The following UBE2D3 variants were observed in gnomAD, a reference collection of about 807,000 sequenced individuals.
UBE2D3 encodes the protein ubiquitin-conjugating enzyme E2 D3.
UBE2D3 carries 2 observed loss-of-function variants against 22.8 expected under a neutral mutation model. That is an observed-to-expected ratio of 0.09 (90% CI 0.04 to 0.28). UBE2D3 has a LOEUF of 0.28. Ranked by LOEUF, UBE2D3 falls within the 10% of genes least tolerant of loss-of-function variation. The pLI is 1.00. For missense variants in UBE2D3, 27 were observed against 182.5 expected (o/e 0.15, Z 4.91); for synonymous variants, 56 against 60.4 (o/e 0.93, Z 0.34).
intron 1 of UBE2D3, among the ~76,000 whole-genome samples, chr4:102,852,585 G>A (rs1453952578): frequency 1.3e-5 from 2 of 152,114 alleles, no homozygotes; most frequent in Non-Finnish European, 2.9e-5. Context: ...CATACAACTT[G>A]AATTCATTCC....
At chr4:102,799,006 T>C (rs745318995) in intron 7 of UBE2D3, 86 of 1,590,138 alleles carry the variant, frequency 5.4e-5, no homozygotes, top group Non-Finnish European at 7.0e-5. Flanking sequence ...TTAGCATTAA[T>C]TATAACATAT....
intron 1 of UBE2D3, among the ~76,000 whole-genome samples, chr4:102,848,652 G>T (rs568676739): frequency 6.6e-6 from 1 of 151,642 alleles, no homozygotes; most frequent in East Asian, 1.9e-4. Flanking sequence ...TCTCATAAAT[G>T]AATAAAAAAT....
intron 1 of UBE2D3, among the ~76,000 whole-genome samples, chr4:102,853,135 A>ATG (rs386626793): frequency 2.3e-5 from 2 of 88,598 alleles, no homozygotes; most frequent in Non-Finnish European, 4.2e-5. Context: ...AAACACACAC[A>ATG]TTTTTTTTTT....
chr4:102,838,389 G>A (rs1050767514), intron 1 of UBE2D3, among the ~76,000 whole-genome samples: 15 of 152,150 alleles, frequency 9.9e-5, no homozygotes, highest in African/African-American at 3.6e-4. Flanking sequence ...GTACCACATA[G>A]GAGTACTTTC....
At chr4:102,868,397 A>C (rs1042486908) in intron 1 of UBE2D3, among the ~76,000 whole-genome samples, 4 of 152,088 alleles carry the variant, frequency 2.6e-5, no homozygotes, top group Non-Finnish European at 5.9e-5. Context: ...ACTTTCCCGA[A>C]GGAAAAGGAA....
At chr4:102,826,800 A>T in intron 1 of UBE2D3, 164 bp from the exon 2 acceptor site, 1 of 1,247,054 alleles carries the variant, frequency 8.0e-7, no homozygotes, top group Non-Finnish European at 1.0e-6. Context: ...GGCGAGGGTG[A>T]CGGGAAGAGC....
intron 1 of UBE2D3, among the ~76,000 whole-genome samples, chr4:102,837,999 G>A (rs1731511431): frequency 6.7e-6 from 1 of 149,926 alleles, no homozygotes; most frequent in South Asian, 2.1e-4. Flanking sequence ...AATAGCTGTA[G>A]TCTCAGCTAT....
At chr4:102,859,849 T>A in intron 1 of UBE2D3, among the ~76,000 whole-genome samples, 1 of 143,826 alleles carries the variant, frequency 7.0e-6, no homozygotes, top group Admixed American at 7.0e-5. Context: ...AGAATTTGAT[T>A]TGTTTTTTTT....
intron 6 of UBE2D3, among the ~76,000 whole-genome samples, chr4:102,799,843 G>C (rs1314126564): frequency 1.5e-5 from 2 of 136,288 alleles, no homozygotes; most frequent in Non-Finnish European, 3.2e-5. Context: ...GGGGGGGGGG[G>C]GACTTTAGCA....
chr4:102,865,041 A>G lies in UBE2D3; in HGVS notation c.-129+3674T>C, dbSNP rs141965194. Among the ~76,000 whole-genome samples the G allele has an allele frequency of 1.3e-3, 204 of 152,330 alleles. No individual in the cohort carries two copies. In the Middle Eastern group the frequency reaches 0.017, roughly 13 times the overall value. Reference sequence around the variant, plus strand: ...GTACTGGGTTGAGTAAAGCCCTAATATGAAGAATATAAGTTTAAAACTTTT... The same window carrying G: ...GTACTGGGTTGAGTAAAGCCCTAATGTGAAGAATATAAGTTTAAAACTTTT... On this transcript the variant is annotated intron_variant, in intron 1 of 7. Transcript: ENST00000338145.
chr4:102,860,441 T>G (rs1471910716), intron 1 of UBE2D3, among the ~76,000 whole-genome samples: 1 of 150,592 alleles, frequency 6.6e-6, no homozygotes, highest in Admixed American at 6.6e-5. Flanking sequence ...GTGTGTGTGT[T>G]CTTTTAAGCC....
At chr4:102,805,523 G>A (rs1368801323) in intron 4 of UBE2D3, among the ~76,000 whole-genome samples, 2 of 147,038 alleles carry the variant, frequency 1.4e-5, no homozygotes, top group African/African-American at 5.1e-5. Flanking sequence ...AAGTGGTGCT[G>A]TCGCCCAGGC....
intron 2 of UBE2D3, chr4:102,810,120 A>G (rs1388371151): frequency 1.6e-5 from 6 of 383,482 alleles, no homozygotes; most frequent in Non-Finnish European, 2.8e-5. Context: ...TTACAAACCG[A>G]AATAGCTATA....
rs142761111 is a variant in UBE2D3, at chr4:102,848,641, A to G, written c.-129+20074T>C. 8.0e-3 allele frequency among the ~76,000 whole-genome samples: 1,214 copies of G among 152,052 alleles called. 14 individuals carry two copies. The highest frequency in any genetic ancestry group is 0.034 in the South Asian group (161 of 4,804). On this transcript the variant is annotated intron_variant, in intron 1 of 7. Coordinates refer to the UBE2D3 transcript ENST00000338145. ...GCCTGGGTGACAAGAGCGAAACTCCATCTCATAAATGAATAAAAAATAAAT... is the reference window on the plus strand; with the variant it reads ...GCCTGGGTGACAAGAGCGAAACTCCGTCTCATAAATGAATAAAAAATAAAT...
chr4:102,836,842 C>A (rs1362471986), intron 1 of UBE2D3, among the ~76,000 whole-genome samples: 1 of 152,080 alleles, frequency 6.6e-6, no homozygotes, highest in African/African-American at 2.4e-5. Context: ...TGTATTTTTC[C>A]CCATTGTTCA....
At chr4:102,825,361 A>G in intron 2 of UBE2D3, 1 of 1,009,934 alleles carries the variant, frequency 9.9e-7, no homozygotes, top group Non-Finnish European at 1.2e-6. Context: ...AATACAAGTC[A>G]CAAAAAAGGG....
upstream of UBE2D3, among the ~76,000 whole-genome samples, chr4:102,829,829 C>T (rs1275711281): frequency 6.6e-6 from 1 of 151,938 alleles, no homozygotes; most frequent in African/African-American, 2.4e-5. Context: ...ATCCCAGCTG[C>T]TTGGGAGGCT....
At chr4:102,829,019 C>G (rs1308687571), upstream of UBE2D3, among the ~76,000 whole-genome samples, 1 of 152,116 alleles carries the variant, frequency 6.6e-6, no homozygotes, top group Non-Finnish European at 1.5e-5. Context: ...AAAGTTTTAC[C>G]TAATAAAAAC....
chr4:102,809,658 T>G lies in UBE2D3; in HGVS notation c.120+14A>C. The G allele has an allele frequency of 6.3e-7, 1 of 1,592,762 alleles. No homozygotes were observed. Among genetic ancestry groups the G allele is most frequent in the South Asian group, 1.2e-5 (1 of 86,116 alleles). On this transcript the variant is annotated intron_variant, in intron 4 of 7. Coordinates refer to ENST00000453744, the MANE Select transcript of UBE2D3 (RefSeq NM_181891.3). ...TTTCACTTAAAACTAAATTTAAAAA[T>G]TCTTAATACTTACAGGTCCCATAAT...
Sources: allele counts gnomAD v4.1 joint callset (sites outside exome capture counted in the v4.1 genomes callset), GRCh38; gene constraint gnomAD v4.1.1; transcripts MANE v1.5; gene names NCBI Gene and HGNC (gene_info 2026-07-23, HGNC 2026-07-21).